CACNA2D4: variants seen among roughly 807,000 people sequenced by gnomAD.
CACNA2D4 encodes the protein voltage-dependent calcium channel subunit alpha-2/delta-4.
CACNA2D4 carries 157 observed loss-of-function variants against 163.8 expected under a neutral mutation model. That is an observed-to-expected ratio of 0.96 (90% confidence interval 0.84 to 1.09). The LOEUF (loss-of-function observed/expected upper bound fraction) is 1.09, where lower values mean the gene tolerates loss of function less well. CACNA2D4 is among the 50% of genes least tolerant of loss of function. The probability of loss-of-function intolerance (pLI) is 0.00; values close to 1 mark genes in which losing one functional copy is unlikely to be tolerated. For synonymous variants in CACNA2D4, 598 were observed against 586.9 expected, an observed-to-expected ratio of 1.02 and a Z score of -0.27; for missense variants, 1,410 against 1,479.9, an observed-to-expected ratio of 0.95 and a Z score of 0.78.
chr12:1,840,920 G>A (rs1195916521), intron 25 of CACNA2D4, 101 bp from the exon 26 acceptor site: 20 of 1,017,702 alleles, frequency 2.0e-5, no homozygotes, highest in East Asian at 4.8e-5. Flanking sequence ...AAAAGCAGGC[G>A]AAGGCATCCT....
chr12:1,828,143 C>A lies in CACNA2D4; in HGVS notation c.2551+12596G>T. The A allele has an allele frequency of 1.9e-6, 3 of 1,538,588 alleles. No individual in the cohort carries two copies. The highest frequency in any genetic ancestry group is 8.8e-7 in the Non-Finnish European group (1 of 1,141,252). ...CGACAGGGCCCGGAGAGCCGTGGGCCTCACCATGCTGGCGCCGGGCAGCAG... is the reference window on the plus strand; with the variant it reads ...CGACAGGGCCCGGAGAGCCGTGGGCATCACCATGCTGGCGCCGGGCAGCAG... On this transcript the variant is annotated intron_variant, in intron 26 of 37. Transcript: ENST00000382722. This position sits in a 1 kb window ranked among gnomAD's most constrained non-coding sequence, Gnocchi z 4.2.
intron 34 of CACNA2D4, 188 bp from the exon 35 acceptor site, chr12:1,797,723 G>A (rs1250120774): frequency 4.8e-6 from 3 of 627,698 alleles, no homozygotes; most frequent in Non-Finnish European, 8.5e-6. Context: ...CGGAGTCTCT[G>A]GAGAGGGTGG....
At chr12:1,811,906 A>G in intron 26 of CACNA2D4, 183 bp from the exon 27 acceptor site, 1 of 596,502 alleles carries the variant, frequency 1.7e-6, no homozygotes. Flanking sequence ...GGGTGGGGGA[A>G]GAACAGAGAC....
intron 26 of CACNA2D4, among the ~76,000 whole-genome samples, chr12:1,814,925 T>C (rs1210948405): frequency 2.0e-5 from 3 of 152,244 alleles, no homozygotes; most frequent in Non-Finnish European, 4.4e-5. Flanking sequence ...AGTCTCACTC[T>C]GTCACCCAGG....
intron 18 of CACNA2D4, among the ~76,000 whole-genome samples, chr12:1,860,931 T>C (rs1300960245): frequency 1.3e-5 from 2 of 152,196 alleles, no homozygotes; most frequent in African/African-American, 2.4e-5. Context: ...TGTGTGCTCT[T>C]GAGCAAGTTA....
intron 13 of CACNA2D4, among the ~76,000 whole-genome samples, chr12:1,880,928 C>T (rs1865980542): frequency 6.6e-6 from 1 of 152,194 alleles, no homozygotes; most frequent in Non-Finnish European, 1.5e-5. Context: ...GCCCCTGTGG[C>T]CTGCTCTCCC....
chr12:1,796,981 C>G (rs995398922), intron 35 of CACNA2D4, among the ~76,000 whole-genome samples: 1 of 151,448 alleles, frequency 6.6e-6, no homozygotes. Flanking sequence ...GCCTTCTCTT[C>G]TCACACTCCC....
Position 1,810,825 on chromosome 12 carries a change from G to A in CACNA2D4, c.2614-238C>T, listed in dbSNP as rs558215905. 1.8e-4 allele frequency among the ~76,000 whole-genome samples: 27 copies of A among 152,270 alleles called. No individual in the cohort carries two copies. In the South Asian group the frequency reaches 5.0e-3, roughly 28 times the overall value. ...GTGTCTATGTGTGGGGTGTCTGTAC[G>A]TGGAGGGCACATGCGTGTGGTGTGT... On this transcript the variant is annotated intron_variant, in intron 27 of 37. Coordinates refer to ENST00000382722, the MANE Select transcript of CACNA2D4 (RefSeq NM_172364.5).
intron 9 of CACNA2D4, among the ~76,000 whole-genome samples, 155 bp from the exon 10 acceptor site, chr12:1,885,231 T>C (rs987945364): frequency 1.3e-5 from 2 of 152,194 alleles, no homozygotes; most frequent in African/African-American, 2.4e-5. Context: ...ACTGGTCCTC[T>C]ACAATAGGTG....
intron 26 of CACNA2D4, among the ~76,000 whole-genome samples, chr12:1,819,915 G>A (rs940439234): frequency 2.0e-5 from 3 of 152,132 alleles, no homozygotes; most frequent in African/African-American, 7.2e-5. Flanking sequence ...TCCTGGCGTC[G>A]GGTGGTCAGA....
chr12:1,810,376 C>G, intron 28 of CACNA2D4, 36 bp from the exon 29 acceptor site: 1 of 1,593,862 alleles, frequency 6.3e-7, no homozygotes. Flanking sequence ...TATGCCAGGG[C>G]CCTCACCCAC....
rs531451369 is a variant in CACNA2D4, at chr12:1,859,731, C to T, written c.1940+414G>A. On this transcript the variant is annotated intron_variant, in intron 19 of 37. Coordinates refer to ENST00000382722, the MANE Select transcript of CACNA2D4 (RefSeq NM_172364.5). The stretch of plus-strand genomic sequence containing the variant: ...ACAGAGTTGTAGGAGGCAGAGGTGA[C>T]GCATCAGTAAAGCAGGGAGTGCTGG... 1.8e-4 allele frequency among the ~76,000 whole-genome samples: 27 copies of T among 152,232 alleles called. 1 individual carries two copies. Among genetic ancestry groups the T allele is most frequent in the Non-Finnish European group, 3.4e-4 (23 of 68,048 alleles).
At position 1,806,231 on chromosome 12, in the gene CACNA2D4, T is replaced by A. The variant is rs975279760; in HGVS notation, c.2721+4047A>T. 6.6e-6 allele frequency among the ~76,000 whole-genome samples: 1 copy of A among 152,170 alleles called. No homozygotes were observed. The highest frequency in any genetic ancestry group is 2.4e-5 in the African/African-American group (1 of 41,432). On this transcript the variant is annotated intron_variant, in intron 29 of 37. Transcript: ENST00000382722. The surrounding 1 kb of genome is among the most constrained non-coding windows in gnomAD (Gnocchi z 4.1). ...AGGGTGACAGATCCACTATAAATATTACAAAGCTCCACAAAGCCACTGTCA... is the reference window on the plus strand; with the variant it reads ...AGGGTGACAGATCCACTATAAATATAACAAAGCTCCACAAAGCCACTGTCA...
At chr12:1,868,535 G>A (rs1057427803) in intron 18 of CACNA2D4, among the ~76,000 whole-genome samples, 1 of 151,598 alleles carries the variant, frequency 6.6e-6, no homozygotes, top group African/African-American at 2.4e-5. Context: ...ACTAAGGCTA[G>A]AGCTCTAATG....
At position 1,844,851 on chromosome 12, in the gene CACNA2D4, C is replaced by T. The variant is rs530622281; in HGVS notation, c.2343-322G>A. 2.0e-5 allele frequency among the ~76,000 whole-genome samples: 3 copies of T among 152,248 alleles called. No individual in the cohort carries two copies. The highest frequency in any genetic ancestry group is 4.1e-4 in the South Asian group (2 of 4,828). ...TTTCTTCTTGTCTGGCTCGTTGGCA[C>T]GTCTGAGGGAGGAAGCTGTAGTCAG... On this transcript the variant is annotated intron_variant, in intron 24 of 37. Transcript: ENST00000382722. The surrounding 1 kb of genome is among the most constrained non-coding windows in gnomAD (Gnocchi z 4.2).
At chr12:1,813,547 A>G (rs1863779286) in intron 26 of CACNA2D4, among the ~76,000 whole-genome samples, 1 of 152,160 alleles carries the variant, frequency 6.6e-6, no homozygotes, top group Non-Finnish European at 1.5e-5. Flanking sequence ...CTTAAATTTA[A>G]ATAGCCACGT....
intron 6 of CACNA2D4, among the ~76,000 whole-genome samples, chr12:1,896,315 A>G (rs767140841): frequency 1.1e-4 from 16 of 152,200 alleles, no homozygotes; most frequent in Non-Finnish European, 1.8e-4. Context: ...GAATGAGAGA[A>G]TTATTTGCAA....
intron 19 of CACNA2D4, among the ~76,000 whole-genome samples, chr12:1,859,854 C>T (rs1199632358): frequency 6.6e-6 from 1 of 152,214 alleles, no homozygotes; most frequent in Non-Finnish European, 1.5e-5. Flanking sequence ...AGTGAAATAA[C>T]AACAGCATCT....
chr12:1,810,473 G>C, intron 28 of CACNA2D4, 70 bp downstream of exon 28: 4 of 1,487,088 alleles, frequency 2.7e-6, no homozygotes, highest in Non-Finnish European at 2.7e-6. Context: ...GAGGGAAGCT[G>C]GCCTGCCAGG....
Sources: allele counts gnomAD v4.1 joint callset (sites outside exome capture counted in the v4.1 genomes callset), GRCh38; gene constraint gnomAD v4.1.1; non-coding constraint Gnocchi (gnomAD v3.1); transcripts MANE v1.5; gene names NCBI Gene and HGNC (gene_info 2026-07-23, HGNC 2026-07-21).